IFT52: variants seen among roughly 807,000 people sequenced by gnomAD.
IFT52 encodes intraflagellar transport 52.
In IFT52, 44 loss-of-function variants were observed where a neutral mutation model predicts 54.4. The observed-to-expected ratio is 0.81, with a 90% CI of 0.63 to 1.04. The LOEUF is 1.04. Ranked by LOEUF, IFT52 falls within the 50% of genes least tolerant of loss-of-function variation. IFT52 has a pLI of 0.00. For synonymous variants in IFT52, 181 were observed against 185.3 expected (o/e 0.98, Z 0.19); for missense variants, 452 against 523.6 (o/e 0.86, Z 1.33).
At chr20:43,608,534 TCTGTA>T (rs1983159710) in intron 6 of IFT52, among the ~76,000 whole-genome samples, 1 of 152,210 alleles carries the variant, frequency 6.6e-6, no homozygotes, top group Non-Finnish European at 1.5e-5. Context: ...TTATAATACC[TCTGTA>T]CTTTGAAATA....
At chr20:43,635,248 T>G (rs868671969) in intron 10 of IFT52, among the ~76,000 whole-genome samples, 2 of 151,886 alleles carry the variant, frequency 1.3e-5, no homozygotes, top group Middle Eastern at 3.4e-3. Flanking sequence ...TTGCTAAGGA[T>G]AATGGCCTCT....
chr20:43,632,576 A>G (rs978937647), intron 10 of IFT52, among the ~76,000 whole-genome samples: 4 of 152,104 alleles, frequency 2.6e-5, no homozygotes, highest in African/African-American at 9.7e-5. Flanking sequence ...CTGACATCTT[A>G]CTAGTTTTTT....
At position 43,645,904 on chromosome 20, in the gene IFT52, T is replaced by C. The variant is rs1195144715; in HGVS notation, c.1267-1032T>C. 3.3e-4 allele frequency among the ~76,000 whole-genome samples: 6 copies of C among 18,038 alleles called. 2 individuals carry two copies. Among genetic ancestry groups the C allele is most frequent in the African/African-American group, 8.5e-4 (6 of 7,036 alleles). The allele number at this position is 18,038 out of a possible 152,430, so 11.8% of individuals were successfully genotyped here. On this transcript the variant is annotated intron_variant, in intron 13 of 13. Coordinates refer to ENST00000373030, the MANE Select transcript of IFT52 (RefSeq NM_016004.5). ...AGATAGTGTTTAATTTTTATTTTCCTTCTTTATTAAAATTTCTATAGTGGG... is the reference window on the plus strand; with the variant it reads ...AGATAGTGTTTAATTTTTATTTTCCCTCTTTATTAAAATTTCTATAGTGGG...
chr20:43,646,168 G>A (rs565700120), intron 13 of IFT52, among the ~76,000 whole-genome samples: 6 of 150,146 alleles, frequency 4.0e-5, no homozygotes, highest in Non-Finnish European at 4.4e-5. Flanking sequence ...CCGAGATCAC[G>A]CCACTGCACT....
rs1200180326 is a variant in IFT52 at position 43,620,840 on chromosome 20, T to C, written c.700-17T>C. 2.3e-6 allele frequency: 3 copies of C among 1,330,766 alleles called. No homozygotes were observed. In the African/African-American group the frequency reaches 9.0e-5, roughly 40 times the overall value. 82.4% of individuals were successfully genotyped at this position (1,330,766 alleles called of 1,614,324 possible). On this transcript the variant is annotated splice_polypyrimidine_tract_variant and intron_variant, in intron 8 of 13. Transcript: ENST00000373030. Reference sequence around the variant, plus strand: ...ATAACCAACTGTCCTAATTATATACTTTTTTTTTTAATTTAGGATGTTGTT... The same window carrying C: ...ATAACCAACTGTCCTAATTATATACCTTTTTTTTTAATTTAGGATGTTGTT...
rs11483104 is a variant in IFT52 at position 43,620,840 on chromosome 20, T to TA, written c.700-17_700-16insA. The TA allele has an allele frequency of 1.6e-5, 21 of 1,330,774 alleles. No homozygotes were observed. The South Asian group carries it at 2.4e-4, about 15-fold the overall frequency. The allele number at this position is 1,330,774 out of a possible 1,614,324, so 82.4% of individuals were successfully genotyped here. ...ATAACCAACTGTCCTAATTATATAC[T>TA]TTTTTTTTTAATTTAGGATGTTGTT... On this transcript the variant is annotated splice_polypyrimidine_tract_variant and intron_variant, in intron 8 of 13. Transcript: ENST00000373030.
At position 43,600,515 on chromosome 20, in the gene IFT52, A is replaced by G. The variant is rs1039196664; in HGVS notation, c.208-3245A>G. Among the ~76,000 whole-genome samples the G allele has an allele frequency of 3.2e-4, 49 of 152,182 alleles. 1 individual carries two copies. The East Asian group carries it at 5.8e-3, about 18-fold the overall frequency. ...GAGATGGGGTTTCACCGTGTTAGCC[A>G]GGGTGATCTCGATCTCCTGGCCTTG... On this transcript the variant is annotated intron_variant, in intron 3 of 13. Transcript: ENST00000373030.
At chr20:43,642,359 G>A in intron 12 of IFT52, 120 bp from the exon 13 acceptor site, 1 of 849,696 alleles carries the variant, frequency 1.2e-6, no homozygotes, top group Non-Finnish European at 1.9e-6. Context: ...ACTTTAGGAA[G>A]AGGTGAGTGA....
At chr20:43,606,676 T>C (rs1601034406) in intron 6 of IFT52, among the ~76,000 whole-genome samples, 1 of 151,724 alleles carries the variant, frequency 6.6e-6, no homozygotes, top group East Asian at 1.9e-4. Flanking sequence ...GGAGGGAAGG[T>C]CAGCAGATAA....
At chr20:43,632,678 G>C (rs1465368910) in intron 10 of IFT52, among the ~76,000 whole-genome samples, 6 of 152,210 alleles carry the variant, frequency 3.9e-5, no homozygotes, top group Non-Finnish European at 8.8e-5. Flanking sequence ...CTCCTCATGT[G>C]TAGAACTGCC....
intron 10 of IFT52, chr20:43,624,266 C>G (rs1248654141): frequency 1.8e-6 from 1 of 556,674 alleles, no homozygotes; most frequent in African/African-American, 1.9e-5. Flanking sequence ...AGATTCTGGA[C>G]CAGGCATTTA....
At chr20:43,640,812 G>A (rs1222950190) in intron 12 of IFT52, among the ~76,000 whole-genome samples, 1 of 152,158 alleles carries the variant, frequency 6.6e-6, no homozygotes, top group Non-Finnish European at 1.5e-5. Context: ...AAAGCAGGTG[G>A]ATTGCTGGAG....
At chr20:43,593,927 T>G (rs1424362170) in intron 1 of IFT52, among the ~76,000 whole-genome samples, 1 of 152,066 alleles carries the variant, frequency 6.6e-6, no homozygotes, top group Non-Finnish European at 1.5e-5. Flanking sequence ...ATGTCAAATA[T>G]ACAAGGTTAG....
At chr20:43,627,922 G>GTTTTTTTTTT (rs554920528) in intron 10 of IFT52, among the ~76,000 whole-genome samples, 1 of 56,086 alleles carries the variant, frequency 1.8e-5, no homozygotes, top group Non-Finnish European at 2.9e-5. Context: ...GAGAGAGAGA[G>GTTTTTTTTTT]TTTTTTTTTT....
chr20:43,617,677 C>T lies in IFT52; in HGVS notation c.613-1263C>T, dbSNP rs1450526135. Among the ~76,000 whole-genome samples the T allele has an allele frequency of 2.6e-5, 4 of 152,186 alleles. No homozygotes were observed. In the East Asian group the frequency reaches 7.7e-4, roughly 29 times the overall value. On this transcript the variant is annotated intron_variant, in intron 7 of 13. Transcript: ENST00000373030. ...CAGCCTGGTCTCGAACTCCTGGCCT[C>T]AAGTGATCCACCCGCCTCGGCCTCT...
At chr20:43,605,232 T>TC in intron 6 of IFT52, 159 bp downstream of exon 6, 1 of 1,420,368 alleles carries the variant, frequency 7.0e-7, no homozygotes, top group Non-Finnish European at 9.2e-7. Flanking sequence ...TCCATGCTCC[T>TC]CCCCCTGAAG....
chr20:43,624,396 T>C (rs1984571783), intron 10 of IFT52, among the ~76,000 whole-genome samples: 1 of 152,186 alleles, frequency 6.6e-6, no homozygotes, highest in Non-Finnish European at 1.5e-5. Flanking sequence ...ACCTCATTTC[T>C]CTCTGGGTAT....
intron 9 of IFT52, among the ~76,000 whole-genome samples, chr20:43,621,254 C>T (rs1359925635): frequency 6.6e-6 from 1 of 152,120 alleles, no homozygotes; most frequent in East Asian, 1.9e-4. Context: ...GAAATTTTCT[C>T]ATAAAGAAAC....
At chr20:43,600,744 G>A (rs1167991560) in intron 3 of IFT52, among the ~76,000 whole-genome samples, 3 of 152,092 alleles carry the variant, frequency 2.0e-5, no homozygotes, top group Admixed American at 2.0e-4. Flanking sequence ...GCCGAGGCGG[G>A]TGGAACACCA....
Sources: gnomAD v4.1 joint callset for allele counts (sites outside exome capture counted in the v4.1 genomes callset) on GRCh38, gnomAD v4.1.1 for gene constraint, MANE v1.5 for transcripts, NCBI Gene and HGNC (gene_info 2026-07-23, HGNC 2026-07-21) for gene names.